TBC1D22A: variants seen among roughly 807,000 people sequenced by gnomAD.
TBC1D22A encodes TBC1 domain family member 22A.
Under a neutral mutation model 60.2 loss-of-function variants are expected in TBC1D22A, and 38 were observed. The ratio of observed to expected loss-of-function variants is 0.63; its 90% CI spans 0.49 to 0.83. The LOEUF (loss-of-function observed/expected upper bound fraction) is 0.83. TBC1D22A is among the 40% of genes least tolerant of loss of function. The probability of loss-of-function intolerance (pLI) is 0.00; values close to 1 mark genes in which losing one functional copy is unlikely to be tolerated. For missense variants in TBC1D22A, 628 were observed against 701.0 expected, an observed-to-expected ratio of 0.90 and a Z score of 1.18; for synonymous variants, 302 against 281.7, an observed-to-expected ratio of 1.07 and a Z score of -0.72.
At chr22:47,070,662 T>C (rs1192816898) in intron 11 of TBC1D22A, among the ~76,000 whole-genome samples, 11 of 127,082 alleles carry the variant, frequency 8.7e-5, no homozygotes, top group Admixed American at 1.6e-4. Context: ...TCCAGGCTGT[T>C]CCCTGTTGTT....
chr22:47,106,204 C>T (rs78726427), intron 11 of TBC1D22A, among the ~76,000 whole-genome samples: 1,741 of 152,326 alleles, frequency 0.011, 24 homozygotes, highest in African/African-American at 0.039. Context: ...AAGACCCCAA[C>T]TCTATATGAT....
intron 4 of TBC1D22A, among the ~76,000 whole-genome samples, chr22:46,853,562 G>A (rs2087403549): frequency 6.6e-6 from 1 of 152,220 alleles, no homozygotes; most frequent in African/African-American, 2.4e-5. Flanking sequence ...TGTGAGGGAT[G>A]ACGTGAGATA....
intron 12 of TBC1D22A, among the ~76,000 whole-genome samples, chr22:47,163,880 C>T (rs1005713969): frequency 9.9e-5 from 15 of 152,216 alleles, no homozygotes; most frequent in South Asian, 2.1e-4. Flanking sequence ...TCCAGTGGGT[C>T]GCCTGTCCCA....
chr22:47,129,060 C>T (rs976041041), intron 12 of TBC1D22A, among the ~76,000 whole-genome samples: 11 of 152,234 alleles, frequency 7.2e-5, no homozygotes, highest in African/African-American at 1.4e-4. Context: ...TGGTGAGTGC[C>T]GTCACCTCTT....
chr22:47,072,153 C>A (rs552546073), intron 11 of TBC1D22A, among the ~76,000 whole-genome samples: 1 of 152,316 alleles, frequency 6.6e-6, no homozygotes, highest in South Asian at 2.1e-4. Flanking sequence ...CGCTGGTGGG[C>A]TTCTTTGGGA....
chr22:46,819,004 G>A (rs2085716164), intron 4 of TBC1D22A, among the ~76,000 whole-genome samples: 1 of 152,150 alleles, frequency 6.6e-6, no homozygotes, highest in African/African-American at 2.4e-5. Flanking sequence ...AATTGTGAAT[G>A]TGAGTTCATT....
Position 47,117,748 on chromosome 22 carries a change from A to G in TBC1D22A, c.1425+6145A>G, listed in dbSNP as rs1321813245. The stretch of plus-strand genomic sequence containing the variant: ...TTTCCTGTCTTTGTATTAAACTTGA[A>G]TTTAAAACTGTATAAAACATACAAA... On this transcript the variant is annotated intron_variant, in intron 12 of 12. Coordinates refer to ENST00000337137, the MANE Select transcript of TBC1D22A (RefSeq NM_014346.5). 4.6e-5 allele frequency among the ~76,000 whole-genome samples: 7 copies of G among 152,336 alleles called. No homozygotes were observed. The South Asian group carries it at 1.0e-3, about 23-fold the overall frequency.
chr22:47,162,779 A>C lies in TBC1D22A; in HGVS notation c.1426-10719A>C, dbSNP rs11090748. Among the ~76,000 whole-genome samples, 5 of 110,768 alleles carry C rather than the reference A, an allele frequency of 4.5e-5. 1 individual carries two copies. The highest frequency in any genetic ancestry group is 7.3e-5 in the African/African-American group (2 of 27,564). 72.7% of individuals were successfully genotyped at this position (110,768 alleles called of 152,430 possible). The stretch of plus-strand genomic sequence containing the variant: ...GTCGGGGGAGTGGGACTGCGGACCC[A>C]GTGCAGGGAGAGTCGGGGGAGTGGG... On this transcript the variant is annotated intron_variant, in intron 12 of 12. Coordinates refer to ENST00000337137, the MANE Select transcript of TBC1D22A (RefSeq NM_014346.5).
intron 4 of TBC1D22A, among the ~76,000 whole-genome samples, chr22:46,852,644 C>T (rs1174383089): frequency 6.6e-6 from 1 of 152,224 alleles, no homozygotes; most frequent in African/African-American, 2.4e-5. Flanking sequence ...CACCTGACTT[C>T]TTTCTTGACC....
intron 12 of TBC1D22A, among the ~76,000 whole-genome samples, chr22:47,167,992 T>C (rs2080306183): frequency 6.6e-6 from 1 of 152,196 alleles, no homozygotes; most frequent in Non-Finnish European, 1.5e-5. Context: ...ATTTTACAGA[T>C]GAGGAAACTG....
At chr22:47,071,938 C>T (rs1407259317) in intron 11 of TBC1D22A, among the ~76,000 whole-genome samples, 2 of 152,140 alleles carry the variant, frequency 1.3e-5, no homozygotes, top group African/African-American at 2.4e-5. Context: ...CTGAGACCCC[C>T]TGCCTTTTTA....
chr22:46,788,640 G>A (rs761974260), intron 1 of TBC1D22A, among the ~76,000 whole-genome samples: 3 of 152,320 alleles, frequency 2.0e-5, no homozygotes, highest in African/African-American at 7.2e-5. Flanking sequence ...TGCCTGCCTC[G>A]TAGGTCCTTC....
chr22:46,805,751 CCATTCACAGAGATTGATGTGTGTGT>C (rs1449573349), intron 4 of TBC1D22A, among the ~76,000 whole-genome samples: 2 of 152,328 alleles, frequency 1.3e-5, no homozygotes, highest in African/African-American at 4.8e-5. Context: ...ACTGTGTTTG[CCATTCACAGAGATTGATGTGTGTGT>C]CTCTCACCGC....
In TBC1D22A at chr22:47,163,635, C is replaced by T. The variant is rs149598477; in HGVS notation, c.1426-9863C>T. ...GAGGGCAGAGGGTAGGAGGGAAGGG[C>T]GGTGGAGGGAAGCAAGGAAAGCACA... On this transcript the variant is annotated intron_variant, in intron 12 of 12. Transcript: ENST00000337137. 3.7e-4 allele frequency among the ~76,000 whole-genome samples: 57 copies of T among 152,268 alleles called. No homozygotes were observed. The East Asian group carries it at 5.4e-3, about 14-fold the overall frequency.
At chr22:46,820,028 G>T (rs1045842712) in intron 4 of TBC1D22A, among the ~76,000 whole-genome samples, 1 of 152,168 alleles carries the variant, frequency 6.6e-6, no homozygotes, top group Non-Finnish European at 1.5e-5. Flanking sequence ...TTTGCATAGA[G>T]GTGTTTATAG....
At chr22:46,793,914 G>C in intron 3 of TBC1D22A, 73 bp downstream of exon 3, 2 of 1,374,024 alleles carry the variant, frequency 1.5e-6, no homozygotes, top group Non-Finnish European at 2.0e-6. Flanking sequence ...CACACTCACT[G>C]TGGGAGAATC....
chr22:46,849,411 C>T (rs2087168710), intron 4 of TBC1D22A, among the ~76,000 whole-genome samples: 1 of 152,206 alleles, frequency 6.6e-6, no homozygotes, highest in Non-Finnish European at 1.5e-5. Flanking sequence ...CCTCAGATCC[C>T]ATTACCTCCC....
Position 46,793,820 on chromosome 22 carries a change from A to C in TBC1D22A, c.439A>C (p.Ser147Arg). Residue 147 changes from serine (S) to arginine (R), a missense_variant, in exon 3 of 13, where the codon AGC becomes CGC. Coordinates refer to ENST00000337137, the MANE Select transcript of TBC1D22A (RefSeq NM_014346.5). ...DLRLVKSVSESHTSCPAESAS... is the reference protein window; with the variant it reads ...DLRLVKSVSERHTSCPAESAS... ...CCGGCTGGTGAAGTCGGTCAGTGAG[A>C]GCCACACGTCCTGTCCTGCAGGTAC... 6.3e-7 allele frequency: 1 copy of C among 1,589,832 alleles called. No individual in the cohort carries two copies. The highest frequency in any genetic ancestry group is 8.6e-7 in the Non-Finnish European group (1 of 1,168,770).
At chr22:46,769,093 CA>C (rs61105868) in intron 1 of TBC1D22A, among the ~76,000 whole-genome samples, 173 of 72,642 alleles carry the variant, frequency 2.4e-3, no homozygotes, top group African/African-American at 3.6e-3. Context: ...GACTCTGTCT[CA>C]AAAAAAAAAA....
Sources: allele counts gnomAD v4.1 joint callset (sites outside exome capture counted in the v4.1 genomes callset), GRCh38; gene constraint gnomAD v4.1.1; transcripts MANE v1.5; gene names NCBI Gene and HGNC (gene_info 2026-07-23, HGNC 2026-07-21).